Variants in RCC1L observed in about 807,000 individuals in gnomAD.
RCC1L encodes the protein RCC1 like.
RCC1L carries 46 observed loss-of-function variants against 58.6 expected under a neutral mutation model. The ratio of observed to expected loss-of-function variants is 0.79; its 90% CI spans 0.62 to 1.00. RCC1L has a LOEUF of 1.00. Among genes scored for constraint, RCC1L ranks in the 50% least tolerant of loss-of-function variants. The pLI is 0.00. For synonymous variants in RCC1L, 281 were observed against 262.9 expected, an observed-to-expected ratio of 1.07 and a Z score of -0.67; for missense variants, 636 against 623.6, an observed-to-expected ratio of 1.02 and a Z score of -0.21.
chr7:75,034,117 T>C (rs1201642175), intron 10 of RCC1L, among the ~76,000 whole-genome samples: 1 of 152,192 alleles, frequency 6.6e-6, no homozygotes, highest in Non-Finnish European at 1.5e-5. Flanking sequence ...AGCTGTGTGC[T>C]GTAAATGGTT....
At chr7:75,064,725 G>C (rs1288985705) in intron 3 of RCC1L, 77 bp from the exon 4 acceptor site, 1 of 1,520,440 alleles carries the variant, frequency 6.6e-7, no homozygotes, top group South Asian at 1.1e-5. Context: ...AAGGGGTCTC[G>C]CTGGTGGTCC....
intron 10 of RCC1L, among the ~76,000 whole-genome samples, chr7:75,047,709 G>A (rs906227399): frequency 1.3e-5 from 2 of 151,114 alleles, no homozygotes; most frequent in African/African-American, 4.9e-5. Flanking sequence ...GTGCAGTGGC[G>A]CAATCTCGGC....
Position 75,058,686 on chromosome 7 carries a change from AG to A in RCC1L, c.870del (p.Tyr291ThrfsTer34). The A allele has an allele frequency of 6.2e-7, 1 of 1,614,006 alleles. No individual in the cohort carries two copies. Among genetic ancestry groups the A allele is most frequent in the Non-Finnish European group, 8.5e-7 (1 of 1,179,860 alleles). ...GACACGGCCAGGCAGCAATCACCGTAGGTGGCAACTTGGATAACGTTCACTC... is the reference window on the plus strand; with the variant it reads ...GACACGGCCAGGCAGCAATCACCGTAGTGGCAACTTGGATAACGTTCACTC... The part of the protein sequence containing the change: ...LAGVNVIQVA[T>X]YGDCCLAVSA... On this transcript the variant is annotated frameshift_variant, in exon 7 of 11. Transcript: ENST00000610322. LOFTEE classifies it high-confidence loss of function.
At chr7:75,045,618 C>G (rs1339923421) in intron 10 of RCC1L, among the ~76,000 whole-genome samples, 2 of 151,378 alleles carry the variant, frequency 1.3e-5, no homozygotes, top group Non-Finnish European at 2.9e-5. Flanking sequence ...CTGGTTCAAG[C>G]GATTCTCCTG....
intron 10 of RCC1L, among the ~76,000 whole-genome samples, chr7:75,036,319 T>G (rs1805429988): frequency 1.1e-4 from 16 of 151,600 alleles, no homozygotes. Flanking sequence ...TTTCTCCATG[T>G]CCATGTTGGT....
intron 10 of RCC1L, among the ~76,000 whole-genome samples, chr7:75,043,996 G>A (rs1176260381): frequency 6.6e-6 from 1 of 152,182 alleles, no homozygotes; most frequent in Non-Finnish European, 1.5e-5. Flanking sequence ...CCCTTGCCAG[G>A]AGCCCTGATC....
chr7:75,040,633 T>C (rs941212186), downstream of RCC1L, among the ~76,000 whole-genome samples: 413 of 152,214 alleles, frequency 2.7e-3, 2 homozygotes, highest in African/African-American at 9.5e-3. Flanking sequence ...TTACCATCTC[T>C]AGATCAATAC....
At chr7:75,029,418 G>T (rs1227395373) in intron 10 of RCC1L, among the ~76,000 whole-genome samples, 1 of 146,964 alleles carries the variant, frequency 6.8e-6, no homozygotes, top group African/African-American at 2.5e-5. Context: ...ATCTCGGTTC[G>T]CTGCAACCTC....
intron 8 of RCC1L, 107 bp from the exon 9 acceptor site, chr7:75,056,181 T>G: frequency 7.3e-7 from 1 of 1,362,800 alleles, no homozygotes; most frequent in Non-Finnish European, 1.0e-6. Context: ...CACGGTTTTT[T>G]TTTGTTTTTT....
At chr7:75,065,353 G>A (rs952840938) in intron 3 of RCC1L, among the ~76,000 whole-genome samples, 13 of 151,942 alleles carry the variant, frequency 8.6e-5, no homozygotes, top group Non-Finnish European at 1.5e-4. Flanking sequence ...TCAGGAGTTC[G>A]AGGCCAGACT....
rs1584488799 is a variant in RCC1L, at chr7:75,043,178, G to A, written c.1318-69C>T. On this transcript the variant is annotated intron_variant, in intron 10 of 10. Transcript: ENST00000610322. The stretch of plus-strand genomic sequence containing the variant: ...CCGGAGGAGACAGGCGCTGGTGTTG[G>A]CCGACCCGGCCCTGCCTCTCAGTAG... 9 of 1,570,386 alleles carry A rather than the reference G, an allele frequency of 5.7e-6. No individual in the cohort carries two copies. In the East Asian group the frequency reaches 2.0e-4, roughly 35 times the overall value.
At chr7:75,046,527 G>C (rs1237716310) in intron 10 of RCC1L, among the ~76,000 whole-genome samples, 1 of 152,196 alleles carries the variant, frequency 6.6e-6, no homozygotes, top group Non-Finnish European at 1.5e-5. Flanking sequence ...CGGCTCCTGG[G>C]AGCCAGCCCT....
chr7:75,063,881 C>T (rs1200579647), intron 4 of RCC1L, among the ~76,000 whole-genome samples: 2 of 151,812 alleles, frequency 1.3e-5, no homozygotes, highest in South Asian at 2.1e-4. Context: ...GATCTCACCA[C>T]TGCACTCCAG....
chr7:75,051,473 G>A (rs1033063232), intron 10 of RCC1L, among the ~76,000 whole-genome samples: 12 of 151,670 alleles, frequency 7.9e-5, no homozygotes, highest in African/African-American at 1.2e-4. Flanking sequence ...GTGCAGCAGC[G>A]TCTGATCTTG....
At position 75,042,723 on chromosome 7, in the gene RCC1L, T is replaced by A. The variant is rs966592555; in HGVS notation, c.*309A>T. Reference sequence around the variant, plus strand: ...GCTAAGCTTTCCTAAGACGGGCTTCTCAGGCGAGACGTGACACCAGACACC... The same window carrying A: ...GCTAAGCTTTCCTAAGACGGGCTTCACAGGCGAGACGTGACACCAGACACC... On this transcript the variant is annotated 3_prime_UTR_variant, in exon 11 of 11. Coordinates refer to ENST00000610322, the MANE Select transcript of RCC1L (RefSeq NM_030798.5). 1 of 1,301,056 alleles carries A rather than the reference T, an allele frequency of 7.7e-7. No homozygotes were observed. The highest frequency in any genetic ancestry group is 1.5e-5 in the African/African-American group (1 of 66,704). The allele number at this position is 1,301,056 out of a possible 1,614,324, so 80.6% of individuals were successfully genotyped here.
intron 10 of RCC1L, among the ~76,000 whole-genome samples, chr7:75,028,484 G>T (rs1483015001): frequency 6.6e-6 from 1 of 152,046 alleles, no homozygotes. Context: ...TGGAGTGTGT[G>T]TCTTGGCCCC....
intron 5 of RCC1L, among the ~76,000 whole-genome samples, chr7:75,062,988 G>A (rs1423821965): frequency 4.6e-5 from 7 of 151,598 alleles, no homozygotes; most frequent in African/African-American, 7.3e-5. Context: ...TAGTAAAGAC[G>A]GGGTTTCACC....
intron 5 of RCC1L, among the ~76,000 whole-genome samples, chr7:75,061,984 T>TC (rs2132000518): frequency 6.6e-6 from 1 of 152,176 alleles, no homozygotes; most frequent in African/African-American, 2.4e-5. Flanking sequence ...GGTCAGGAGT[T>TC]CAAGACCAGC....
chr7:75,047,821 A>G (rs1484940303), intron 10 of RCC1L, among the ~76,000 whole-genome samples: 4 of 150,436 alleles, frequency 2.7e-5, no homozygotes, highest in Non-Finnish European at 5.9e-5. Flanking sequence ...TAATTTTTGT[A>G]TTTTTAGTAG....
Sources: allele counts gnomAD v4.1 joint callset (sites outside exome capture counted in the v4.1 genomes callset), GRCh38; gene constraint gnomAD v4.1.1; transcripts MANE v1.5; gene names NCBI Gene and HGNC (gene_info 2026-07-23, HGNC 2026-07-21).